Variants in TNIK observed in about 807,000 individuals in gnomAD.
TNIK encodes the protein TRAF2 and NCK-interacting protein kinase.
In TNIK, 49 loss-of-function variants were observed where a neutral mutation model predicts 191.3. The ratio of observed to expected loss-of-function variants is 0.26; its 90% CI spans 0.20 to 0.32. The LOEUF is 0.32. Ranked by LOEUF, TNIK falls within the 10% of genes least tolerant of loss-of-function variation. TNIK has a pLI of 1.00. For missense variants in TNIK, 1,155 were observed against 1,702.3 expected (o/e 0.68, Z 5.66); for synonymous variants, 594 against 600.9 (o/e 0.99, Z 0.17).
chr3:171,453,612 C>T (rs1728452190), intron 1 of TNIK, among the ~76,000 whole-genome samples: 4 of 152,026 alleles, frequency 2.6e-5, no homozygotes. Flanking sequence ...TGAAACTGTG[C>T]GTTTGGAAGA....
chr3:171,083,733 ATTAT>A (rs61043732), intron 26 of TNIK, among the ~76,000 whole-genome samples: 14,933 of 152,172 alleles, frequency 0.098, 811 homozygotes, highest in Middle Eastern at 0.16. Context: ...GGTTTATGCC[ATTAT>A]TTATGCTCAT....
chr3:171,194,592 A>G lies in TNIK; in HGVS notation c.350T>C (p.Ile117Thr). The change falls in exon 5 of 33, where the codon ATC (isoleucine) becomes ACC (threonine). Residue 117 changes from isoleucine (I) to threonine (T), a missense_variant. By Grantham distance (89) the Ile-to-Thr change is moderately conservative (BLOSUM62 -1). Coordinates refer to ENST00000436636, the MANE Select transcript of TNIK (RefSeq NM_015028.4). ...CAACGTGTTACCTTTTGTGTTCTTG[A>G]TCAGGTCGGTGACAGAGCCAGCACC... is the stretch of plus-strand genomic sequence containing the variant. ...FCGAGSVTDLIKNTKGNTLKE... is the reference protein window; with the variant it reads ...FCGAGSVTDLTKNTKGNTLKE... 1 of 1,613,908 alleles carries G rather than the reference A, an allele frequency of 6.2e-7. No homozygotes were observed. Among genetic ancestry groups the G allele is most frequent in the Non-Finnish European group, 8.5e-7 (1 of 1,179,850 alleles).
chr3:171,195,197 A>G (rs756330856), intron 4 of TNIK, among the ~76,000 whole-genome samples: 7 of 152,220 alleles, frequency 4.6e-5, no homozygotes, highest in African/African-American at 7.2e-5. Flanking sequence ...CCTTTCATGC[A>G]AAAGCTCCAA....
intron 2 of TNIK, among the ~76,000 whole-genome samples, chr3:171,292,089 T>C (rs1160003921): frequency 6.6e-6 from 1 of 152,194 alleles, no homozygotes; most frequent in Non-Finnish European, 1.5e-5. Flanking sequence ...TTTTTATATT[T>C]TATATTTTCC....
At chr3:171,406,592 T>A (rs1017878392) in intron 1 of TNIK, among the ~76,000 whole-genome samples, 1 of 151,894 alleles carries the variant, frequency 6.6e-6, no homozygotes, top group Non-Finnish European at 1.5e-5. Context: ...ACCACACCAG[T>A]TATTATTATC....
intron 10 of TNIK, among the ~76,000 whole-genome samples, chr3:171,163,346 C>A (rs1734239745): frequency 6.6e-6 from 1 of 152,130 alleles, no homozygotes; most frequent in South Asian, 2.1e-4. Context: ...ATTTGCACAT[C>A]CCTAAAAAGA....
intron 12 of TNIK, among the ~76,000 whole-genome samples, chr3:171,140,866 C>T (rs934991018): frequency 1.3e-5 from 2 of 152,198 alleles, no homozygotes; most frequent in East Asian, 3.8e-4. Context: ...TATGAAATTA[C>T]TTCACAATGC....
intron 1 of TNIK, among the ~76,000 whole-genome samples, chr3:171,408,603 G>A (rs1426107385): frequency 1.3e-5 from 2 of 152,152 alleles, no homozygotes; most frequent in East Asian, 1.9e-4. Context: ...TAATCCTCCT[G>A]AGCCTCAATT....
chr3:171,299,631 G>A (rs78783527), intron 2 of TNIK, among the ~76,000 whole-genome samples: 3,815 of 152,282 alleles, frequency 0.025, 156 homozygotes, highest in African/African-American at 0.084. Context: ...GGCCAACCAG[G>A]ACTATAGCTT....
intron 28 of TNIK, among the ~76,000 whole-genome samples, chr3:171,071,807 T>C (rs577905770): frequency 6.6e-6 from 1 of 152,180 alleles, no homozygotes; most frequent in Non-Finnish European, 1.5e-5. Context: ...AATTGCTTAT[T>C]TATGCTTCTA....
chr3:171,110,441 G>A (rs536329296), intron 19 of TNIK, among the ~76,000 whole-genome samples: 1 of 152,310 alleles, frequency 6.6e-6, no homozygotes, highest in African/African-American at 2.4e-5. Flanking sequence ...GTAAGTGACT[G>A]TATTTTCAAA....
At chr3:171,107,545 T>TG (rs1312881812) in intron 20 of TNIK, among the ~76,000 whole-genome samples, 3 of 152,232 alleles carry the variant, frequency 2.0e-5, no homozygotes, top group Non-Finnish European at 2.9e-5. Context: ...TAAGGCTACC[T>TG]GGGGGTCTAT....
At chr3:171,181,357 G>A (rs941407803) in intron 7 of TNIK, among the ~76,000 whole-genome samples, 14 of 152,310 alleles carry the variant, frequency 9.2e-5, no homozygotes, top group Admixed American at 5.9e-4. Flanking sequence ...AGGTGACACT[G>A]CCTTTGCCTG....
rs752342587 is a variant in TNIK, at chr3:171,180,496, CT to C, written c.640-3117del. On this transcript the variant is annotated intron_variant, in intron 7 of 32. Coordinates refer to ENST00000436636, the MANE Select transcript of TNIK (RefSeq NM_015028.4). ...GAGCCACAGGGCAAGGATCTTTGTT[CT>C]GTTGTCTGATGTATCCAAAGTACCT... Among the ~76,000 whole-genome samples, 3 of 152,362 alleles carry C rather than the reference CT, an allele frequency of 2.0e-5. No homozygotes were observed. The South Asian group carries it at 6.2e-4, about 32-fold the overall frequency.
At chr3:171,281,014 T>C (rs781531499) in intron 2 of TNIK, among the ~76,000 whole-genome samples, 2 of 152,084 alleles carry the variant, frequency 1.3e-5, no homozygotes, top group African/African-American at 2.4e-5. Flanking sequence ...TTTCAGTAAG[T>C]ATCCCTTTGG....
At chr3:171,084,445 T>A in intron 25 of TNIK, 120 bp from the exon 26 acceptor site, 3 of 1,141,462 alleles carry the variant, frequency 2.6e-6, no homozygotes, top group Non-Finnish European at 3.7e-6. Flanking sequence ...GCAAGGAAAC[T>A]CTGAAACTCT....
At chr3:171,125,219 T>A (rs746753518) in intron 17 of TNIK, among the ~76,000 whole-genome samples, 1 of 152,216 alleles carries the variant, frequency 6.6e-6, no homozygotes, top group Non-Finnish European at 1.5e-5. Context: ...CTCTAGTATT[T>A]TGAAATACTT....
intron 18 of TNIK, among the ~76,000 whole-genome samples, chr3:171,119,748 G>T (rs576184341): frequency 6.6e-6 from 1 of 151,088 alleles, no homozygotes; most frequent in East Asian, 2.0e-4. Flanking sequence ...ATTGAACAAT[G>T]AGAACACATG....
Position 171,063,751 on chromosome 3 carries a change from A to T in TNIK, c.*130T>A. 1.2e-6 allele frequency: 1 copy of T among 832,166 alleles called. No homozygotes were observed. Among genetic ancestry groups the T allele is most frequent in the Non-Finnish European group, 1.9e-6 (1 of 534,714 alleles). The allele number at this position is 832,166 out of a possible 1,614,324, so 51.5% of individuals were successfully genotyped here. On this transcript the variant is annotated 3_prime_UTR_variant, in exon 33 of 33. Transcript: ENST00000436636. The stretch of plus-strand genomic sequence containing the variant: ...ACTGTACTGGGAGGGGCGGAGGGAG[A>T]GGAAAAAGGGAAAGCGATATGTTCA...
Sources: allele counts gnomAD v4.1 joint callset (sites outside exome capture counted in the v4.1 genomes callset), GRCh38; gene constraint gnomAD v4.1.1; transcripts MANE v1.5; gene names NCBI Gene and HGNC (gene_info 2026-07-23, HGNC 2026-07-21).